LRFN5: variants seen among roughly 807,000 people sequenced by gnomAD.
The protein encoded by LRFN5 is leucine rich repeat and fibronectin type III domain containing 5.
A neutral mutation model predicts 45.6 loss-of-function variants in LRFN5; 24 were observed. That is an observed-to-expected ratio of 0.53 (90% CI 0.38 to 0.74). The LOEUF (loss-of-function observed/expected upper bound fraction) is 0.74, where lower values mean the gene tolerates loss of function less well. Among genes scored for constraint, LRFN5 ranks in the 30% least tolerant of loss-of-function variants. LRFN5 has a pLI of 0.00. For missense variants in LRFN5, 776 were observed against 861.5 expected, an observed-to-expected ratio of 0.90 and a Z score of 1.24; for synonymous variants, 340 against 313.8, an observed-to-expected ratio of 1.08 and a Z score of -0.88.
At chr14:41,837,127 A>C (rs1053233501) in intron 2 of LRFN5, among the ~76,000 whole-genome samples, 1 of 149,946 alleles carries the variant, frequency 6.7e-6, no homozygotes, top group Non-Finnish European at 1.5e-5. Flanking sequence ...TTGTTTCCCA[A>C]ATCAGCGGAC....
At chr14:41,683,806 A>G (rs1594613601) in intron 1 of LRFN5, among the ~76,000 whole-genome samples, 1 of 152,194 alleles carries the variant, frequency 6.6e-6, no homozygotes, top group East Asian at 1.9e-4. Context: ...GAAGATATAC[A>G]AAAATAGAGA....
intron 2 of LRFN5, among the ~76,000 whole-genome samples, chr14:41,801,641 G>A (rs561275624): frequency 1.3e-5 from 2 of 152,240 alleles, no homozygotes; most frequent in Admixed American, 6.5e-5. Context: ...CTTGAATCTC[G>A]CAGCCTGTGC....
At chr14:41,885,022 CA>C (rs1890515361) in intron 2 of LRFN5, among the ~76,000 whole-genome samples, 1 of 151,982 alleles carries the variant, frequency 6.6e-6, no homozygotes, top group African/African-American at 2.4e-5. Context: ...TGATTTTCTG[CA>C]GCTATTTTCA....
At chr14:41,693,115 CTA>C (rs1291611277) in intron 1 of LRFN5, among the ~76,000 whole-genome samples, 3 of 152,098 alleles carry the variant, frequency 2.0e-5, no homozygotes, top group African/African-American at 7.2e-5. Context: ...TATTCAAACA[CTA>C]TACAATCTTG....
chr14:41,795,781 T>G lies in LRFN5; in HGVS notation c.-21+28752T>G, dbSNP rs549027634. 1.9e-3 allele frequency among the ~76,000 whole-genome samples: 284 copies of G among 150,768 alleles called. 1 individual carries two copies. The highest frequency in any genetic ancestry group is 3.7e-4 in the Non-Finnish European group (25 of 67,722). On this transcript the variant is annotated intron_variant, in intron 2 of 5. Transcript: ENST00000298119. ...TCACACACCAGGGCCTGTCGTAGGT[T>G]GGGGGGAGGGGGGAGGAATAGCATT...
At chr14:41,675,693 C>G (rs1262063048) in intron 1 of LRFN5, among the ~76,000 whole-genome samples, 2 of 151,990 alleles carry the variant, frequency 1.3e-5, no homozygotes, top group African/African-American at 2.4e-5. Context: ...ATGAATAAGC[C>G]TTTATTTCCC....
intron 3 of LRFN5, among the ~76,000 whole-genome samples, 171 bp downstream of exon 3, chr14:41,888,181 T>C (rs568931120): frequency 6.6e-6 from 1 of 152,280 alleles, no homozygotes; most frequent in South Asian, 2.1e-4. Flanking sequence ...GGAGATATTT[T>C]GAATGGTATT....
intron 1 of LRFN5, among the ~76,000 whole-genome samples, chr14:41,704,548 T>C (rs889744764): frequency 6.6e-6 from 1 of 151,346 alleles, no homozygotes; most frequent in African/African-American, 2.4e-5. Flanking sequence ...AGTCTTGAAC[T>C]CCTGAGCCCA....
chr14:41,662,337 G>T (rs540325886), intron 1 of LRFN5, among the ~76,000 whole-genome samples: 35 of 151,980 alleles, frequency 2.3e-4, no homozygotes, highest in African/African-American at 8.2e-4. Flanking sequence ...TCTAATTCGG[G>T]ACTATTAACT....
At chr14:41,893,533 C>G in intron 4 of LRFN5, 4 of 984,760 alleles carry the variant, frequency 4.1e-6, no homozygotes, top group Non-Finnish European at 4.8e-6. Flanking sequence ...GTTAAACACA[C>G]AGTAAAAGTT....
chr14:41,680,392 C>T (rs1179645354), intron 1 of LRFN5, among the ~76,000 whole-genome samples: 2 of 152,080 alleles, frequency 1.3e-5, no homozygotes, highest in African/African-American at 4.8e-5. Context: ...GTCACTCCTC[C>T]CTCAGCTCTG....
intron 1 of LRFN5, among the ~76,000 whole-genome samples, chr14:41,759,940 A>T (rs1011804632): frequency 2.0e-5 from 3 of 152,228 alleles, no homozygotes; most frequent in Non-Finnish European, 4.4e-5. Flanking sequence ...ATTTTCATGC[A>T]GTCGTGGAAA....
At chr14:41,687,529 C>T (rs144477186) in intron 1 of LRFN5, among the ~76,000 whole-genome samples, 1 of 152,282 alleles carries the variant, frequency 6.6e-6, no homozygotes, top group East Asian at 1.9e-4. Flanking sequence ...TATAAAGACA[C>T]ACGCACACAT....
chr14:41,796,307 C>T (rs1887129896), intron 2 of LRFN5, among the ~76,000 whole-genome samples: 1 of 151,834 alleles, frequency 6.6e-6, no homozygotes, highest in African/African-American at 2.4e-5. Context: ...CATTCATAAA[C>T]TTGTTATTCA....
chr14:41,767,492 A>G (rs1027874358), intron 2 of LRFN5, among the ~76,000 whole-genome samples: 1 of 152,172 alleles, frequency 6.6e-6, no homozygotes, highest in Non-Finnish European at 1.5e-5. Flanking sequence ...CCAGTGCTAT[A>G]TAGAGGGTAA....
At chr14:41,740,843 G>T (rs990156923) in intron 1 of LRFN5, among the ~76,000 whole-genome samples, 1 of 152,002 alleles carries the variant, frequency 6.6e-6, no homozygotes, top group Non-Finnish European at 1.5e-5. Context: ...CTTTATCAAA[G>T]ACCTATTAGA....
chr14:41,690,825 T>C (rs947092582), intron 1 of LRFN5, among the ~76,000 whole-genome samples: 2 of 152,142 alleles, frequency 1.3e-5, no homozygotes, highest in Non-Finnish European at 2.9e-5. Context: ...ACATTCAGAT[T>C]GTTTATTTAC....
At position 41,887,799 on chromosome 14, in the gene LRFN5, C is replaced by G. The variant is rs2139153733; in HGVS notation, c.1174C>G (p.Pro392Ala). The G allele has an allele frequency of 6.2e-7, 1 of 1,613,962 alleles. No individual in the cohort carries two copies. The highest frequency in any genetic ancestry group is 2.2e-5 in the East Asian group (1 of 44,860). ...TACAAACCATATCCATGAGCCTGAT[C>G]CTGGTTCTTCAGATATCTCAACTTC... ...NSTNHIHEPD[P>A]GSSDISTSTK... Residue 392 changes from proline to alanine, a missense_variant, in exon 3 of 6, where the codon CCT becomes GCT. Transcript: ENST00000298119. The surrounding 1 kb of genome is among the most constrained non-coding windows in gnomAD (Gnocchi z 4.8).
intron 1 of LRFN5, among the ~76,000 whole-genome samples, chr14:41,757,238 C>G (rs1212620149): frequency 6.6e-6 from 1 of 152,186 alleles, no homozygotes; most frequent in African/African-American, 2.4e-5. Context: ...TGTTTGTTCT[C>G]AGATCTCCAG....
Sources: allele counts gnomAD v4.1 joint callset (sites outside exome capture counted in the v4.1 genomes callset), GRCh38; gene constraint gnomAD v4.1.1; non-coding constraint Gnocchi (gnomAD v3.1); transcripts MANE v1.5; gene names NCBI Gene and HGNC (gene_info 2026-07-23, HGNC 2026-07-21).